LGR4: variants seen among roughly 807,000 people sequenced by gnomAD.
LGR4 encodes the protein leucine rich repeat containing G protein-coupled receptor 4.
LGR4 carries 44 observed loss-of-function variants against 84.8 expected under a neutral mutation model. The observed-to-expected ratio is 0.52, with a 90% CI of 0.41 to 0.67. The LOEUF (loss-of-function observed/expected upper bound fraction) is 0.67, where lower values mean the gene tolerates loss of function less well. Ranked by LOEUF, LGR4 falls within the 30% of genes least tolerant of loss-of-function variation. The probability of loss-of-function intolerance (pLI) is 0.00; values close to 1 mark genes in which losing one functional copy is unlikely to be tolerated. For synonymous variants in LGR4, 429 were observed against 434.3 expected (o/e 0.99, Z 0.15); for missense variants, 1,032 against 1,131.4 (o/e 0.91, Z 1.26).
At position 27,367,607 on chromosome 11, in the gene LGR4, C is replaced by A; in HGVS notation, c.*260G>T. The A allele has an allele frequency of 3.1e-6, 1 of 320,372 alleles. No homozygotes were observed. Among genetic ancestry groups the A allele is most frequent in the Non-Finnish European group, 5.7e-6 (1 of 175,130 alleles). The allele number at this position is 320,372 out of a possible 1,614,324, so 19.8% of individuals were successfully genotyped here. A position where few individuals can be genotyped will look rare whatever the true frequency, so the allele number is the denominator to read the frequency against. ...AAACTAACATTATATTGCTCTACTACACCTAAGATCCTTTTCAAGTCATAT... is the reference window on the plus strand; with the variant it reads ...AAACTAACATTATATTGCTCTACTAAACCTAAGATCCTTTTCAAGTCATAT... On this transcript the variant is annotated 3_prime_UTR_variant, in exon 18 of 18. Transcript: ENST00000379214.
At chr11:27,376,868 G>A (rs1410123702) in intron 12 of LGR4, among the ~76,000 whole-genome samples, 1 of 152,188 alleles carries the variant, frequency 6.6e-6, no homozygotes, top group Admixed American at 6.5e-5. Flanking sequence ...TGGCATTCAT[G>A]TCTGGTTTCC....
At chr11:27,467,670 A>T (rs1292098027) in intron 1 of LGR4, among the ~76,000 whole-genome samples, 2 of 152,200 alleles carry the variant, frequency 1.3e-5, no homozygotes, top group African/African-American at 4.8e-5. Context: ...TGAGGAAAAT[A>T]AGGTCCTGAA....
intron 1 of LGR4, among the ~76,000 whole-genome samples, chr11:27,452,869 C>G (rs910733091): frequency 6.6e-6 from 1 of 151,452 alleles, no homozygotes; most frequent in African/African-American, 2.4e-5. Context: ...GCCTTAATAC[C>G]GTTGAAAACT....
intron 11 of LGR4, among the ~76,000 whole-genome samples, chr11:27,378,009 G>A (rs1863020426): frequency 6.6e-6 from 1 of 152,124 alleles, no homozygotes; most frequent in African/African-American, 2.4e-5. Flanking sequence ...TAGGCTAGGA[G>A]TAACAGATTA....
intron 1 of LGR4, among the ~76,000 whole-genome samples, chr11:27,422,259 T>C (rs1221085046): frequency 6.6e-6 from 1 of 152,246 alleles, no homozygotes; most frequent in Non-Finnish European, 1.5e-5. Context: ...GTAAATATTC[T>C]AATTAACTAA....
At chr11:27,472,083 T>C (rs1177889542) in intron 1 of LGR4, 35 bp downstream of exon 1, 39 of 1,004,616 alleles carry the variant, frequency 3.9e-5, no homozygotes, top group South Asian at 3.8e-4. Context: ...CCCCGTTTCC[T>C]CCCCCCCCCT....
At chr11:27,392,828 C>T (rs2133379368) in intron 2 of LGR4, among the ~76,000 whole-genome samples, 1 of 152,262 alleles carries the variant, frequency 6.6e-6, no homozygotes, top group Non-Finnish European at 1.5e-5. Flanking sequence ...CACTCTGCAG[C>T]TTGCAGTGTT....
chr11:27,428,733 TTTTC>T (rs1418794281), intron 1 of LGR4, among the ~76,000 whole-genome samples: 2 of 152,208 alleles, frequency 1.3e-5, no homozygotes, highest in Non-Finnish European at 2.9e-5. Context: ...AAAGGTGAAC[TTTTC>T]TTTCTTTCTT....
rs1246679194 is a variant in LGR4, at chr11:27,367,950, C to T, written c.2773G>A (p.Ala925Thr). The change falls in exon 18 of 18, where the codon GCC becomes ACC. Residue 925 changes from alanine (A) to threonine (T), a missense_variant. Coordinates refer to ENST00000379214, the MANE Select transcript of LGR4 (RefSeq NM_018490.5). ...FVSDSSDQVQ[A>T]CGRACFYQSR... ...TGGTAGAAGCAGGCTCGTCCACAGGCCTGCACCTGGTCAGAACTGTCTGAG... is the reference window on the plus strand; with the variant it reads ...TGGTAGAAGCAGGCTCGTCCACAGGTCTGCACCTGGTCAGAACTGTCTGAG... The T allele has an allele frequency of 8.7e-6, 14 of 1,614,002 alleles. No individual in the cohort carries two copies. The highest frequency in any genetic ancestry group is 1.1e-5 in the Non-Finnish European group (13 of 1,179,892).
rs969470937 is a variant in LGR4, at chr11:27,366,619, TAAGACTCCACCCAGTAATAGGTCTA to T, written c.*1223_*1247del. 2.0e-5 allele frequency: 3 copies of T among 152,570 alleles called. No individual in the cohort carries two copies. The highest frequency in any genetic ancestry group is 7.2e-5 in the African/African-American group (3 of 41,454). 9.5% of individuals were successfully genotyped at this position (152,570 alleles called of 1,614,324 possible). A position where few individuals can be genotyped will look rare whatever the true frequency, so the allele number is the denominator to read the frequency against. ...AAAACATATTGAACAATTATAACTT[TAAGACTCCACCCAGTAATAGGTCTA>T]AAGCCCATAGATGGGAATCAAGTAA... is the stretch of plus-strand genomic sequence containing the variant. On this transcript the variant is annotated 3_prime_UTR_variant, in exon 18 of 18. Transcript: ENST00000379214.
chr11:27,390,551 C>A (rs1291542575), intron 4 of LGR4, among the ~76,000 whole-genome samples: 1 of 152,126 alleles, frequency 6.6e-6, no homozygotes, highest in African/African-American at 2.4e-5. Context: ...AGAAACTATG[C>A]CCCAGAGTCC....
intron 1 of LGR4, among the ~76,000 whole-genome samples, chr11:27,419,319 A>G (rs888407645): frequency 2.6e-5 from 4 of 151,992 alleles, no homozygotes; most frequent in Non-Finnish European, 5.9e-5. Context: ...AAAGATGTTC[A>G]TAGTAGTTAC....
chr11:27,428,252 T>C (rs563474221), intron 1 of LGR4, among the ~76,000 whole-genome samples: 8 of 152,118 alleles, frequency 5.3e-5, no homozygotes, highest in African/African-American at 1.4e-4. Context: ...ATTCTCCTTC[T>C]CCAGCCTCCC....
At chr11:27,408,111 C>A (rs1461594776) in intron 2 of LGR4, among the ~76,000 whole-genome samples, 2 of 152,180 alleles carry the variant, frequency 1.3e-5, no homozygotes, top group East Asian at 3.9e-4. Context: ...CTGTATTTGA[C>A]ATATGTTATG....
chr11:27,394,136 G>C (rs1332270559), intron 2 of LGR4, among the ~76,000 whole-genome samples: 1 of 152,090 alleles, frequency 6.6e-6, no homozygotes, highest in Non-Finnish European at 1.5e-5. Flanking sequence ...CATACACTTT[G>C]TTTCTTACAA....
intron 1 of LGR4, among the ~76,000 whole-genome samples, chr11:27,424,477 C>T (rs1863983562): frequency 6.6e-6 from 1 of 152,122 alleles, no homozygotes; most frequent in Non-Finnish European, 1.5e-5. Flanking sequence ...CCAGCCTAGG[C>T]AATAAAGTGA....
intron 1 of LGR4, among the ~76,000 whole-genome samples, chr11:27,452,212 C>T (rs893166193): frequency 1.3e-5 from 2 of 152,158 alleles, no homozygotes; most frequent in African/African-American, 4.8e-5. Context: ...ATGGCTAAGA[C>T]TTCTCAGGAC....
At chr11:27,421,900 C>CA (rs1420057254) in intron 1 of LGR4, among the ~76,000 whole-genome samples, 3 of 151,808 alleles carry the variant, frequency 2.0e-5, no homozygotes, top group Non-Finnish European at 2.9e-5. Flanking sequence ...ATGCCAAAGA[C>CA]AAAAAAAATT....
rs180960247 is a variant in LGR4, at chr11:27,439,426, T to C, written c.186-26566A>G. On this transcript the variant is annotated intron_variant, in intron 1 of 17. Coordinates refer to ENST00000379214, the MANE Select transcript of LGR4 (RefSeq NM_018490.5). ...CTTCCTTTTTAAGGCTAAATAATAT[T>C]CTATTGTATGTGTGTATATGCCATA... Among the ~76,000 whole-genome samples, 93 of 152,328 alleles carry C rather than the reference T, an allele frequency of 6.1e-4. 2 individuals carry two copies. In the Middle Eastern group the frequency reaches 0.027, roughly 45 times the overall value.
Sources: gnomAD v4.1 joint callset for allele counts (sites outside exome capture counted in the v4.1 genomes callset) on GRCh38, gnomAD v4.1.1 for gene constraint, MANE v1.5 for transcripts, NCBI Gene and HGNC (gene_info 2026-07-23, HGNC 2026-07-21) for gene names.